The following SEMA5A variants were observed in gnomAD, a reference collection of about 807,000 sequenced individuals.
SEMA5A encodes semaphorin-5A.
SEMA5A carries 55 observed loss-of-function variants against 135.5 expected under a neutral mutation model. The observed-to-expected ratio is 0.41, with a 90% CI of 0.33 to 0.51. The LOEUF is 0.51. Ranked by LOEUF, SEMA5A falls within the 20% of genes least tolerant of loss-of-function variation. SEMA5A has a pLI of 0.37. For synonymous variants in SEMA5A, 580 were observed against 546.5 expected (o/e 1.06, Z -0.85); for missense variants, 1,290 against 1,419.9 (o/e 0.91, Z 1.47).
chr5:9,514,068 C>T (rs866382461), intron 1 of SEMA5A, among the ~76,000 whole-genome samples: 11 of 152,272 alleles, frequency 7.2e-5, no homozygotes, highest in African/African-American at 2.6e-4. Flanking sequence ...CTGTTTCCTT[C>T]CTTGCCTTTT....
At chr5:9,201,690 TA>T (rs1350217417) in intron 9 of SEMA5A, among the ~76,000 whole-genome samples, 1 of 152,192 alleles carries the variant, frequency 6.6e-6, no homozygotes, top group African/African-American at 2.4e-5. Context: ...GAGCAATTTA[TA>T]ATAGAATAAT....
At chr5:9,461,364 G>A (rs901121984) in intron 1 of SEMA5A, among the ~76,000 whole-genome samples, 1 of 152,184 alleles carries the variant, frequency 6.6e-6, no homozygotes, top group Non-Finnish European at 1.5e-5. Flanking sequence ...ATGACCAAGA[G>A]CTGACACCAA....
intron 5 of SEMA5A, among the ~76,000 whole-genome samples, chr5:9,257,077 T>G (rs914370490): frequency 6.6e-6 from 1 of 152,212 alleles, no homozygotes; most frequent in Non-Finnish European, 1.5e-5. Flanking sequence ...TAGTCTTCTG[T>G]CTGCATCACC....
chr5:9,168,056 C>T (rs1168257034), intron 11 of SEMA5A, among the ~76,000 whole-genome samples: 1 of 152,156 alleles, frequency 6.6e-6, no homozygotes, highest in Non-Finnish European at 1.5e-5. Context: ...ACTTCCTATG[C>T]ACCCCTCTCA....
chr5:9,045,686 T>TAAGGGATTTGTGTTA (rs1422293825), intron 21 of SEMA5A: 1 of 152,158 alleles, frequency 6.6e-6, no homozygotes, highest in African/African-American at 2.4e-5. Context: ...TAAAAAGAAA[T>TAAGGGATTTGTGTTA]AAGGGATTTG....
chr5:9,252,491 C>A (rs1025551233), intron 5 of SEMA5A, among the ~76,000 whole-genome samples: 1 of 152,134 alleles, frequency 6.6e-6, no homozygotes, highest in African/African-American at 2.4e-5. Context: ...CATAACCTGA[C>A]ACATTATATG....
intron 11 of SEMA5A, among the ~76,000 whole-genome samples, chr5:9,186,914 TTCTA>T (rs987789031): frequency 6.6e-6 from 1 of 152,214 alleles, no homozygotes; most frequent in Admixed American, 6.5e-5. Flanking sequence ...CAGGTCTCAC[TTCTA>T]TCTATGTCTG....
intron 5 of SEMA5A, among the ~76,000 whole-genome samples, chr5:9,286,421 G>A (rs796682465): frequency 6.6e-6 from 1 of 151,592 alleles, no homozygotes; most frequent in Non-Finnish European, 1.5e-5. Context: ...ACACCCCTCC[G>A]TACTCTTTTT....
chr5:9,179,256 G>A (rs954097138), intron 11 of SEMA5A, among the ~76,000 whole-genome samples: 3 of 152,124 alleles, frequency 2.0e-5, no homozygotes, highest in East Asian at 1.9e-4. Context: ...ATGAAAAAAG[G>A]TAAAGATAAG....
In SEMA5A at chr5:9,275,430, TA is replaced by T. The variant is rs547984558; in HGVS notation, c.271-37541del. ...AAAGAGAAGCTGGTACCATTCCTTC[TA>T]AAACTATTCAAAACAATAGAAAAAG... On this transcript the variant is annotated intron_variant, in intron 5 of 22. Coordinates refer to ENST00000382496, the MANE Select transcript of SEMA5A (RefSeq NM_003966.3). Among the ~76,000 whole-genome samples, 349 of 152,206 alleles carry T rather than the reference TA, an allele frequency of 2.3e-3. 2 individuals are homozygous for T. The highest frequency in any genetic ancestry group is 2.8e-3 in the Non-Finnish European group (189 of 68,018).
chr5:9,301,767 G>A (rs971561450), intron 5 of SEMA5A, among the ~76,000 whole-genome samples: 1 of 152,114 alleles, frequency 6.6e-6, no homozygotes, highest in African/African-American at 2.4e-5. Context: ...TGGGAGACCT[G>A]CCCACCTGCA....
chr5:9,385,363 C>A (rs1755842470), intron 2 of SEMA5A, among the ~76,000 whole-genome samples: 1 of 152,188 alleles, frequency 6.6e-6, no homozygotes, highest in Non-Finnish European at 1.5e-5. Flanking sequence ...TTCCATGAGG[C>A]ATTTTGCTTA....
intron 11 of SEMA5A, among the ~76,000 whole-genome samples, chr5:9,182,359 C>T (rs915718937): frequency 6.6e-6 from 1 of 152,124 alleles, no homozygotes; most frequent in Non-Finnish European, 1.5e-5. Context: ...ACACCTGCTG[C>T]ATCTGTCAGC....
Position 9,122,637 on chromosome 5 carries a change from C to T in SEMA5A, c.1781+19G>A, listed in dbSNP as rs186428178. 445 of 1,550,406 alleles carry T rather than the reference C, an allele frequency of 2.9e-4. No homozygotes were observed. The highest frequency in any genetic ancestry group is 2.5e-3 in the Admixed American group (138 of 54,508). On this transcript the variant is annotated intron_variant, in intron 14 of 22. Coordinates refer to ENST00000382496, the MANE Select transcript of SEMA5A (RefSeq NM_003966.3). ...GTTTAATACACAGCAGCACAACTGGCGTGTTCTGAGCGGCACACCTGGAAC... is the reference window on the plus strand; with the variant it reads ...GTTTAATACACAGCAGCACAACTGGTGTGTTCTGAGCGGCACACCTGGAAC...
At chr5:9,502,220 G>A (rs1475164561) in intron 1 of SEMA5A, among the ~76,000 whole-genome samples, 1 of 152,168 alleles carries the variant, frequency 6.6e-6, no homozygotes, top group Non-Finnish European at 1.5e-5. Flanking sequence ...CTCCTTGAGG[G>A]TAGGGTTTAT....
intron 3 of SEMA5A, among the ~76,000 whole-genome samples, chr5:9,345,416 GC>G (rs1157318906): frequency 2.0e-5 from 3 of 151,740 alleles, no homozygotes; most frequent in Admixed American, 2.0e-4. Context: ...CCCTGCTCCT[GC>G]CTTCACTGGA....
At position 9,122,840 on chromosome 5, in the gene SEMA5A, A is replaced by G. The variant is rs1400603208; in HGVS notation, c.1600-3T>C. On this transcript the variant is annotated splice_polypyrimidine_tract_variant and splice_region_variant and intron_variant, in intron 13 of 22. Transcript: ENST00000382496. Reference sequence around the variant, plus strand: ...CCATCCACGGTGAGATTCCTGGTCTAGGAAGCAAAACCAAGCAGAGGTGTC... The same window carrying G: ...CCATCCACGGTGAGATTCCTGGTCTGGGAAGCAAAACCAAGCAGAGGTGTC... The G allele has an allele frequency of 6.3e-7, 1 of 1,591,238 alleles. No homozygotes were observed. The highest frequency in any genetic ancestry group is 8.6e-7 in the Non-Finnish European group (1 of 1,165,206).
intron 5 of SEMA5A, among the ~76,000 whole-genome samples, chr5:9,252,504 G>A (rs1245056666): frequency 6.6e-6 from 1 of 152,100 alleles, no homozygotes; most frequent in Non-Finnish European, 1.5e-5. Context: ...ATTATATGTG[G>A]GTTAAGATCT....
chr5:9,407,890 A>G (rs1286710578), intron 2 of SEMA5A, among the ~76,000 whole-genome samples: 1 of 151,870 alleles, frequency 6.6e-6, no homozygotes, highest in East Asian at 1.9e-4. Flanking sequence ...CATCATCACC[A>G]TCTCTACCAC....
Sources: gnomAD v4.1 joint callset for allele counts (sites outside exome capture counted in the v4.1 genomes callset) on GRCh38, gnomAD v4.1.1 for gene constraint, MANE v1.5 for transcripts, NCBI Gene and HGNC (gene_info 2026-07-23, HGNC 2026-07-21) for gene names.